ZNF385D: variants seen among roughly 807,000 people sequenced by gnomAD.
ZNF385D encodes zinc finger protein 659.
In ZNF385D, 15 loss-of-function variants were observed where a neutral mutation model predicts 35.8. The ratio of observed to expected loss-of-function variants is 0.42; its 90% CI spans 0.28 to 0.64. The LOEUF (loss-of-function observed/expected upper bound fraction) is 0.64, where lower values mean the gene tolerates loss of function less well. Ranked by LOEUF, ZNF385D falls within the 30% of genes least tolerant of loss-of-function variation. The pLI is 0.23. For missense variants in ZNF385D, 474 were observed against 494.6 expected, an observed-to-expected ratio of 0.96 and a Z score of 0.39; for synonymous variants, 212 against 186.8, an observed-to-expected ratio of 1.13 and a Z score of -1.10.
intron 3 of ZNF385D, among the ~76,000 whole-genome samples, chr3:21,774,841 T>A (rs1559610514): frequency 6.6e-6 from 1 of 151,836 alleles, no homozygotes; most frequent in Non-Finnish European, 1.5e-5. Flanking sequence ...ATATGATGTT[T>A]ATAATATTTT....
At chr3:21,910,945 A>C (rs2125912856) in intron 3 of ZNF385D, among the ~76,000 whole-genome samples, 1 of 152,088 alleles carries the variant, frequency 6.6e-6, no homozygotes, top group East Asian at 1.9e-4. Flanking sequence ...AATAAACCTG[A>C]TGCTTTTTAA....
chr3:21,795,485 T>C (rs912888355), intron 3 of ZNF385D, among the ~76,000 whole-genome samples: 1 of 152,146 alleles, frequency 6.6e-6, no homozygotes, highest in Non-Finnish European at 1.5e-5. Context: ...TAAAAATAAT[T>C]GACAGTGAGG....
chr3:22,306,930 T>C (rs1012073131), intron 2 of ZNF385D, among the ~76,000 whole-genome samples: 2 of 152,104 alleles, frequency 1.3e-5, no homozygotes, highest in East Asian at 3.9e-4. Flanking sequence ...GTCCCAGAAA[T>C]AAATACAAGG....
At chr3:22,116,259 T>A (rs1186065885) in intron 3 of ZNF385D, among the ~76,000 whole-genome samples, 1 of 152,098 alleles carries the variant, frequency 6.6e-6, no homozygotes, top group African/African-American at 2.4e-5. Context: ...TTCCCGGATG[T>A]CTACATTTGA....
intron 3 of ZNF385D, among the ~76,000 whole-genome samples, chr3:21,927,543 G>C (rs372614548): frequency 6.6e-6 from 1 of 152,128 alleles, no homozygotes; most frequent in African/African-American, 2.4e-5. Flanking sequence ...GAAACAAAAA[G>C]AGATTGCTGG....
chr3:21,971,073 T>C (rs1274463378), intron 3 of ZNF385D, among the ~76,000 whole-genome samples: 2 of 151,992 alleles, frequency 1.3e-5, no homozygotes, highest in Non-Finnish European at 2.9e-5. Flanking sequence ...TAAAGGGAGC[T>C]CTTCAATTTG....
At chr3:21,527,387 G>C (rs1375215344) in intron 3 of ZNF385D, among the ~76,000 whole-genome samples, 1 of 152,114 alleles carries the variant, frequency 6.6e-6, no homozygotes, top group Non-Finnish European at 1.5e-5. Flanking sequence ...TGAAGGTGCA[G>C]TTCTCAACTA....
intron 3 of ZNF385D, among the ~76,000 whole-genome samples, chr3:21,971,611 C>T (rs1703262233): frequency 6.6e-6 from 1 of 150,612 alleles, no homozygotes; most frequent in African/African-American, 2.4e-5. Context: ...AGTCCTTACT[C>T]ATCAATAATA....
chr3:21,425,572 CT>C lies in ZNF385D; in HGVS notation c.771del (p.Gly258GlufsTer62), dbSNP rs1323810125. 6.2e-7 allele frequency: 1 copy of C among 1,611,492 alleles called. No individual in the cohort carries two copies. Among genetic ancestry groups the C allele is most frequent in the Non-Finnish European group, 8.5e-7 (1 of 1,178,840 alleles). The stretch of plus-strand genomic sequence containing the variant: ...GTTTTATTTTGGAGGCCTGTGTTTC[CT>C]TTATTAACAGGTCCTTTGCCTTTCA... ...AGVKGKGPVN[K>X]GNTGLQNKTF... On this transcript the variant is annotated frameshift_variant, in exon 6 of 8. Transcript: ENST00000281523. LOFTEE classifies it high-confidence loss of function.
chr3:21,883,597 A>C (rs1698390435), intron 3 of ZNF385D, among the ~76,000 whole-genome samples: 1 of 152,040 alleles, frequency 6.6e-6, no homozygotes, highest in Non-Finnish European at 1.5e-5. Flanking sequence ...AGATTCCTGA[A>C]GCTTGGAATG....
chr3:22,367,644 GT>G (rs202027507), intron 2 of ZNF385D, among the ~76,000 whole-genome samples: 1,543 of 150,916 alleles, frequency 0.01, 22 homozygotes, highest in African/African-American at 0.035. Context: ...TTATTCTTTT[GT>G]TTAAGGAGCA....
At chr3:21,607,574 T>C (rs1464638492) in intron 2 of ZNF385D, among the ~76,000 whole-genome samples, 1 of 152,188 alleles carries the variant, frequency 6.6e-6, no homozygotes, top group East Asian at 1.9e-4. Context: ...TCCCCATATC[T>C]TCTTGGAAAA....
intron 3 of ZNF385D, among the ~76,000 whole-genome samples, chr3:22,070,532 A>T (rs1198088075): frequency 1.3e-5 from 2 of 152,134 alleles, no homozygotes; most frequent in Non-Finnish European, 2.9e-5. Context: ...TTTCTATGAA[A>T]GTTCTTCCCA....
At chr3:22,288,443 T>C (rs537258142) in intron 2 of ZNF385D, among the ~76,000 whole-genome samples, 1 of 143,740 alleles carries the variant, frequency 7.0e-6, no homozygotes, top group African/African-American at 3.0e-5. Flanking sequence ...CATTTATTTC[T>C]TTTTTGTTTA....
chr3:22,320,151 A>G (rs1404117881), intron 2 of ZNF385D, among the ~76,000 whole-genome samples: 1 of 151,950 alleles, frequency 6.6e-6, no homozygotes, highest in East Asian at 1.9e-4. Context: ...TACACCAATA[A>G]GGTCTTAGAG....
At chr3:22,339,197 A>C (rs540063238) in intron 2 of ZNF385D, among the ~76,000 whole-genome samples, 3 of 152,306 alleles carry the variant, frequency 2.0e-5, no homozygotes, top group African/African-American at 7.2e-5. Context: ...TAAAACATTT[A>C]GTTTTAGCTG....
intron 2 of ZNF385D, among the ~76,000 whole-genome samples, chr3:22,224,864 A>G (rs995493355): frequency 1.6e-4 from 25 of 152,128 alleles, no homozygotes; most frequent in African/African-American, 5.6e-4. Context: ...TGGCACCTCT[A>G]TTCATGAGAG....
chr3:21,440,628 G>A (rs1365327757), intron 4 of ZNF385D, among the ~76,000 whole-genome samples: 1 of 152,100 alleles, frequency 6.6e-6, no homozygotes, highest in African/African-American at 2.4e-5. Flanking sequence ...TGTGATAAAT[G>A]TACAACATTA....
At chr3:21,613,586 C>A (rs1410808090) in intron 2 of ZNF385D, among the ~76,000 whole-genome samples, 1 of 152,122 alleles carries the variant, frequency 6.6e-6, no homozygotes, top group African/African-American at 2.4e-5. Context: ...GTCAAGATGA[C>A]CCTTAGTGAA....
Sources: allele counts gnomAD v4.1 joint callset (sites outside exome capture counted in the v4.1 genomes callset), GRCh38; gene constraint gnomAD v4.1.1; transcripts MANE v1.5; gene names NCBI Gene and HGNC (gene_info 2026-07-23, HGNC 2026-07-21).